Variants in ANK3 observed in about 807,000 individuals in gnomAD.
ANK3 encodes ankyrin-3.
A neutral mutation model predicts 370.9 loss-of-function variants in ANK3; 57 were observed. The observed-to-expected ratio is 0.15, with a 90% confidence interval of 0.12 to 0.19. The LOEUF is 0.19. ANK3 is among the 10% of genes least tolerant of loss of function. ANK3 has a pLI of 1.00. For missense variants in ANK3, 4,439 were observed against 5,302.1 expected (o/e 0.84, Z 5.06); for synonymous variants, 1,929 against 1,946.3 (o/e 0.99, Z 0.23).
Position 60,389,611 on chromosome 10 carries a change from T to G in ANK3, c.-73A>C. On this transcript the variant is annotated 5_prime_UTR_variant, in exon 1 of 44. Coordinates refer to ENST00000280772, the MANE Select transcript of ANK3 (RefSeq NM_020987.5). ...AGGTGATATCCTCAGGCACCTCTAATCAGGCTTACAGCAGCATTCCAATCA... is the reference window on the plus strand; with the variant it reads ...AGGTGATATCCTCAGGCACCTCTAAGCAGGCTTACAGCAGCATTCCAATCA... 1 of 1,589,290 alleles carries G rather than the reference T, an allele frequency of 6.3e-7. No individual in the cohort carries two copies. Among genetic ancestry groups the G allele is most frequent in the Non-Finnish European group, 8.5e-7 (1 of 1,171,244 alleles).
chr10:60,443,571 G>A (rs545838738), intron 2 of ANK3, among the ~76,000 whole-genome samples: 5 of 152,200 alleles, frequency 3.3e-5, no homozygotes, highest in African/African-American at 9.6e-5. Context: ...AACCCCCGGC[G>A]TGACCCATTG....
intron 1 of ANK3, among the ~76,000 whole-genome samples, chr10:60,718,088 G>A (rs1257223386): frequency 6.6e-6 from 1 of 152,230 alleles, no homozygotes; most frequent in African/African-American, 2.4e-5. Context: ...GATTGGCTGA[G>A]ACTCAGCTGC....
chr10:60,605,086 G>A (rs547088862), intron 2 of ANK3, among the ~76,000 whole-genome samples: 31 of 152,056 alleles, frequency 2.0e-4, no homozygotes, highest in African/African-American at 2.7e-4. Flanking sequence ...TTGCAGTCCC[G>A]TTCAAGTCCC....
At chr10:60,114,410 G>A (rs2092939141) in intron 25 of ANK3, 79 bp from the exon 26 acceptor site, 1 of 643,386 alleles carries the variant, frequency 1.6e-6, no homozygotes, top group Non-Finnish European at 2.6e-6. Flanking sequence ...AAATATATTT[G>A]TATTCCTCTA....
At chr10:60,082,560 AG>A in intron 34 of ANK3, 54 bp downstream of exon 34, 2 of 1,589,972 alleles carry the variant, frequency 1.3e-6, no homozygotes, top group East Asian at 4.5e-5. Flanking sequence ...TGCATACCAA[AG>A]GCCCACTTCT....
intron 2 of ANK3, among the ~76,000 whole-genome samples, chr10:60,531,557 T>C (rs1337568081): frequency 2.0e-5 from 3 of 152,064 alleles, no homozygotes; most frequent in African/African-American, 7.2e-5. Context: ...ATTCACATAA[T>C]TAAAAGTTAT....
chr10:60,535,706 T>C (rs2076709371), intron 2 of ANK3, among the ~76,000 whole-genome samples: 1 of 151,958 alleles, frequency 6.6e-6, no homozygotes, highest in Non-Finnish European at 1.5e-5. Context: ...GGTTCTGGGG[T>C]TGGGGGAAGA....
At chr10:60,180,614 C>CAAAAAAAAAAAA (rs1565505994) in intron 18 of ANK3, among the ~76,000 whole-genome samples, 2 of 75,206 alleles carry the variant, frequency 2.7e-5, no homozygotes, top group Non-Finnish European at 5.3e-5. Flanking sequence ...AAAAAAAAAA[C>CAAAAAAAAAAAA]CAAAAAAAAA....
intron 12 of ANK3, among the ~76,000 whole-genome samples, chr10:60,202,426 C>T (rs1172360863): frequency 6.6e-6 from 1 of 152,098 alleles, no homozygotes; most frequent in Non-Finnish European, 1.5e-5. Context: ...CCCGGCCACA[C>T]TTTATTTTTT....
chr10:60,111,886 G>A, intron 26 of ANK3: 1 of 411,450 alleles, frequency 2.4e-6, no homozygotes. Context: ...TGAAACCAGG[G>A]CATCTGGCAT....
At chr10:60,153,775 A>G (rs981277113) in intron 23 of ANK3, among the ~76,000 whole-genome samples, 5 of 152,172 alleles carry the variant, frequency 3.3e-5, no homozygotes, top group African/African-American at 7.2e-5. Flanking sequence ...AAATTCATCA[A>G]CTATTCCTTG....
At chr10:60,497,034 G>GC (rs2075676262) in intron 2 of ANK3, among the ~76,000 whole-genome samples, 1 of 152,156 alleles carries the variant, frequency 6.6e-6, no homozygotes, top group Non-Finnish European at 1.5e-5. Flanking sequence ...GGGTGTAATG[G>GC]CTCATGCCTG....
chr10:60,565,556 C>A (rs1016234743), intron 2 of ANK3, among the ~76,000 whole-genome samples: 1 of 152,150 alleles, frequency 6.6e-6, no homozygotes, highest in African/African-American at 2.4e-5. Flanking sequence ...ACTAAAATTT[C>A]TTGGGATGGT....
chr10:60,453,819 T>C (rs115374380), intron 2 of ANK3, among the ~76,000 whole-genome samples: 3,067 of 152,216 alleles, frequency 0.02, 114 homozygotes, highest in African/African-American at 0.07. Flanking sequence ...CATAACATCA[T>C]TTTTCAAATT....
intron 2 of ANK3, among the ~76,000 whole-genome samples, chr10:60,505,839 T>A (rs968591678): frequency 6.6e-6 from 1 of 152,132 alleles, no homozygotes; most frequent in Non-Finnish European, 1.5e-5. Context: ...CAAACTGTAT[T>A]TTCCAAGCAC....
chr10:60,283,980 C>T (rs2132722315), intron 1 of ANK3, among the ~76,000 whole-genome samples: 1 of 152,204 alleles, frequency 6.6e-6, no homozygotes, highest in South Asian at 2.1e-4. Flanking sequence ...CTCCCCAAAA[C>T]TGATGTTCAT....
chr10:60,527,828 A>T (rs2076510007), intron 2 of ANK3, among the ~76,000 whole-genome samples: 2 of 152,122 alleles, frequency 1.3e-5, no homozygotes, highest in Non-Finnish European at 2.9e-5. Context: ...AGCTGATTCA[A>T]TTCAGATGGC....
intron 2 of ANK3, among the ~76,000 whole-genome samples, chr10:60,522,862 C>T (rs1393404753): frequency 6.6e-6 from 1 of 152,028 alleles, no homozygotes; most frequent in Non-Finnish European, 1.5e-5. Flanking sequence ...ACAACCAGTT[C>T]AAATAGCAGA....
At chr10:60,574,364 G>T (rs531285830) in intron 2 of ANK3, among the ~76,000 whole-genome samples, 3 of 152,126 alleles carry the variant, frequency 2.0e-5, no homozygotes, top group African/African-American at 7.2e-5. Context: ...TGAGGTGTGC[G>T]CATTAATTAT....
Sources: allele counts gnomAD v4.1 joint callset (sites outside exome capture counted in the v4.1 genomes callset), GRCh38; gene constraint gnomAD v4.1.1; transcripts MANE v1.5; gene names NCBI Gene and HGNC (gene_info 2026-07-23, HGNC 2026-07-21).